The following UBA52 variants were observed in gnomAD, a reference collection of about 807,000 sequenced individuals.
The protein encoded by UBA52 is ubiquitin A-52 residue ribosomal protein fusion product 1, also known as ubiquitin-ribosomal protein eL40 fusion protein.
Under a neutral mutation model 15.3 loss-of-function variants are expected in UBA52, and 1 was observed. The ratio of observed to expected loss-of-function variants is 0.07; its 90% CI spans 0.02 to 0.31. The LOEUF is 0.31. UBA52 is among the 10% of genes least tolerant of loss of function. UBA52 has a pLI of 1.00. For missense variants in UBA52, 87 were observed against 168.0 expected (o/e 0.52, Z 2.66); for synonymous variants, 50 against 58.3 (o/e 0.86, Z 0.65).
chr19:18,575,038 C>T lies in UBA52; in HGVS notation c.294-19C>T, dbSNP rs1460936603. The T allele has an allele frequency of 3.1e-6, 5 of 1,614,196 alleles. No individual in the cohort carries two copies. Among genetic ancestry groups the T allele is most frequent in the Non-Finnish European group, 4.2e-6 (5 of 1,180,038 alleles). Reference sequence around the variant, plus strand: ...GGAGTCGGGGTATGCCCTCACCCACCCCTCCTGTCTCTGTGCAGGTGCTAT... The same window carrying T: ...GGAGTCGGGGTATGCCCTCACCCACTCCTCCTGTCTCTGTGCAGGTGCTAT... On this transcript the variant is annotated intron_variant, in intron 4 of 4. Coordinates refer to ENST00000442744, the MANE Select transcript of UBA52 (RefSeq NM_001033930.3).
the UBA52 span, among the ~76,000 whole-genome samples, chr19:18,566,193 G>A: frequency 6.6e-6 from 1 of 152,060 alleles, no homozygotes; most frequent in Non-Finnish European, 1.5e-5. Flanking sequence ...GCCCATGCCT[G>A]TAATCCCAGC....
chr19:18,572,876 G>A (rs1975571917), intron 1 of UBA52: 1 of 1,059,756 alleles, frequency 9.4e-7, no homozygotes, highest in African/African-American at 1.7e-5. Context: ...AGCAGGAGCA[G>A]CCTGTGCAGA....
chr19:18,573,450 C>T (rs377320175), intron 2 of UBA52, 47 bp downstream of exon 2: 9 of 1,527,426 alleles, frequency 5.9e-6, no homozygotes, highest in African/African-American at 1.4e-5. Flanking sequence ...CTGGGAGTCC[C>T]TCTCTGCCCA....
upstream of UBA52, chr19:18,571,738 G>C (rs549907332): frequency 4.6e-5 from 7 of 152,398 alleles, no homozygotes; most frequent in African/African-American, 1.7e-4. Context: ...TCGTTCGCCA[G>C]CATCCAAGAT....
chr19:18,576,793 C>G lies in UBA52; in HGVS notation c.*1643C>G, dbSNP rs1975802104. On this transcript the variant is annotated 3_prime_UTR_variant, in exon 5 of 5. Transcript: ENST00000442744. Reference sequence around the variant, plus strand: ...TCTCCTTTCTCAGCCTCTTGAGTAGCTGGAATTACCAGTGTGCGCCACCAC... The same window carrying G: ...TCTCCTTTCTCAGCCTCTTGAGTAGGTGGAATTACCAGTGTGCGCCACCAC... 6.6e-6 allele frequency: 1 copy of G among 151,310 alleles called. No homozygotes were observed. 9.4% of individuals were successfully genotyped at this position (151,310 alleles called of 1,614,324 possible).
In UBA52 at chr19:18,573,754, G is replaced by A. The variant is rs753239172; in HGVS notation, c.190+6G>A. ...AGACTACAACATCCAGAAAGGTACC[G>A]GGGTTGGGGTTGCTGGGCAGGGACC... is the stretch of plus-strand genomic sequence containing the variant. On this transcript the variant is annotated splice_donor_region_variant and intron_variant, in intron 3 of 4. Coordinates refer to ENST00000442744, the MANE Select transcript of UBA52 (RefSeq NM_001033930.3). 9.3e-6 allele frequency: 15 copies of A among 1,613,340 alleles called. No homozygotes were observed. In the African/African-American group the frequency reaches 1.3e-4, roughly 14 times the overall value.
At chr19:18,571,772 G>A (rs532380899), upstream of UBA52, 22 of 152,432 alleles carry the variant, frequency 1.4e-4, no homozygotes, top group South Asian at 1.2e-3. Context: ...GGCCCAAGGC[G>A]CGGCGCGAAT....
At chr19:18,571,342 G>A (rs1975473207), upstream of UBA52, among the ~76,000 whole-genome samples, 1 of 143,904 alleles carries the variant, frequency 6.9e-6, no homozygotes, top group Admixed American at 7.0e-5. Context: ...CCTGAGTCCC[G>A]CTTGACACCT....
intron 3 of UBA52, among the ~76,000 whole-genome samples, chr19:18,574,007 T>G (rs535792670): frequency 6.6e-6 from 1 of 151,838 alleles, no homozygotes; most frequent in Non-Finnish European, 1.5e-5. Context: ...AAAAATCAGC[T>G]GGGTGCAGTG....
chr19:18,566,810 T>G (rs1398586352), upstream of UBA52, among the ~76,000 whole-genome samples: 1 of 151,854 alleles, frequency 6.6e-6, no homozygotes, highest in East Asian at 1.9e-4. Context: ...AAAAAAAAAT[T>G]TATCAGAGAA....
At chr19:18,567,188 A>G (rs200280348), upstream of UBA52, 1 of 1,614,030 alleles carries the variant, frequency 6.2e-7, no homozygotes, top group Admixed American at 1.7e-5. Context: ...CGTAAGTGTC[A>G]CGCAGGGTTC....
chr19:18,576,856 CAG>C lies in UBA52; in HGVS notation c.*1707_*1708del, dbSNP rs1316128808. On this transcript the variant is annotated 3_prime_UTR_variant, in exon 5 of 5. Coordinates refer to ENST00000442744, the MANE Select transcript of UBA52 (RefSeq NM_001033930.3). The stretch of plus-strand genomic sequence containing the variant: ...CTAGTTTTTCTGTTTTTAGTAGAGA[CAG>C]GGTTTTGCTATGTTGGCCAGGCTGG... The C allele has an allele frequency of 4.6e-5, 7 of 151,546 alleles. No homozygotes were observed. The highest frequency in any genetic ancestry group is 1.2e-4 in the African/African-American group (5 of 41,238). 9.4% of individuals were successfully genotyped at this position (151,546 alleles called of 1,614,324 possible).
intron 1 of UBA52, chr19:18,573,017 A>G: frequency 7.8e-7 from 1 of 1,286,604 alleles, no homozygotes; most frequent in South Asian, 1.6e-5. Context: ...CCTAAGGAGA[A>G]TAACCACAGT....
At chr19:18,569,546 T>C (rs1388682688), upstream of UBA52, among the ~76,000 whole-genome samples, 1 of 151,864 alleles carries the variant, frequency 6.6e-6, no homozygotes, top group Non-Finnish European at 1.5e-5. Flanking sequence ...GTGGGAGCTA[T>C]AACAACCCAA....
upstream of UBA52, chr19:18,568,626 G>A (rs58878398): frequency 9.6e-4 from 1,539 of 1,607,692 alleles, 13 homozygotes; most frequent in African/African-American, 0.018. Flanking sequence ...GATGACGGGC[G>A]AATAGCCCTG....
At chr19:18,567,254 T>C (rs768384512), upstream of UBA52, 27 of 1,451,326 alleles carry the variant, frequency 1.9e-5, no homozygotes, top group Admixed American at 2.3e-4. Context: ...GAAGGCCACC[T>C]TGGGGCCTGA....
upstream of UBA52, among the ~76,000 whole-genome samples, chr19:18,567,720 A>C (rs1007944177): frequency 2.6e-5 from 4 of 152,214 alleles, no homozygotes; most frequent in Non-Finnish European, 5.9e-5. Flanking sequence ...AGGGCTCTGC[A>C]GGCTGAGCCT....
chr19:18,572,903 G>A (rs752435894), intron 1 of UBA52: 19 of 1,083,524 alleles, frequency 1.8e-5, no homozygotes, highest in Non-Finnish European at 2.0e-5. Context: ...CCTGGCTGCC[G>A]TGGAAGAGGG....
chr19:18,572,719 C>T (rs992711995), intron 1 of UBA52: 1 of 918,438 alleles, frequency 1.1e-6, no homozygotes, highest in African/African-American at 1.8e-5. Context: ...GGTTTGGGGT[C>T]AAGGCAAGAA....
Sources: gnomAD v4.1 joint callset for allele counts (sites outside exome capture counted in the v4.1 genomes callset) on GRCh38, gnomAD v4.1.1 for gene constraint, MANE v1.5 for transcripts, NCBI Gene and HGNC (gene_info 2026-07-23, HGNC 2026-07-21) for gene names.